The following DLGAP1 variants were observed in gnomAD, a reference collection of about 807,000 sequenced individuals.
The protein encoded by DLGAP1 is DLG associated protein 1.
A neutral mutation model predicts 90.8 loss-of-function variants in DLGAP1; 11 were observed. That is an observed-to-expected ratio of 0.12 (90% CI 0.08 to 0.20). DLGAP1 has a LOEUF of 0.20. DLGAP1 is among the 10% of genes least tolerant of loss of function. DLGAP1 has a pLI of 1.00. For missense variants in DLGAP1, 1,050 were observed against 1,333.8 expected, an observed-to-expected ratio of 0.79 and a Z score of 3.31; for synonymous variants, 558 against 540.7, an observed-to-expected ratio of 1.03 and a Z score of -0.44.
At chr18:4,272,143 G>T (rs2079297714) in intron 1 of DLGAP1, among the ~76,000 whole-genome samples, 1 of 152,148 alleles carries the variant, frequency 6.6e-6, no homozygotes, top group Middle Eastern at 3.2e-3. Context: ...AGTATTAAAT[G>T]GTGTATTGCG....
intron 3 of DLGAP1, among the ~76,000 whole-genome samples, chr18:3,992,229 A>G: frequency 6.6e-6 from 1 of 152,224 alleles, no homozygotes; most frequent in East Asian, 1.9e-4. Context: ...TGTTTGGAAC[A>G]TCCTTGGCCA....
intron 4 of DLGAP1, among the ~76,000 whole-genome samples, chr18:3,848,260 C>A (rs1459714394): frequency 6.8e-6 from 1 of 146,086 alleles, no homozygotes; most frequent in South Asian, 2.2e-4. Flanking sequence ...ACAATGTGAA[C>A]AGATGATAAT....
At chr18:3,550,059 G>T (rs1395439225) in intron 9 of DLGAP1, among the ~76,000 whole-genome samples, 1 of 151,776 alleles carries the variant, frequency 6.6e-6, no homozygotes, top group Non-Finnish European at 1.5e-5. Context: ...GACTACAGGT[G>T]CATGCCACCA....
At chr18:3,514,701 T>C (rs547872282) in intron 10 of DLGAP1, among the ~76,000 whole-genome samples, 117 of 152,278 alleles carry the variant, frequency 7.7e-4, no homozygotes, top group African/African-American at 2.8e-3. Flanking sequence ...TGTAGTCTGT[T>C]AAGTGTGTCA....
At chr18:3,887,616 A>G (rs2071350365) in intron 3 of DLGAP1, among the ~76,000 whole-genome samples, 1 of 152,212 alleles carries the variant, frequency 6.6e-6, no homozygotes, top group Non-Finnish European at 1.5e-5. Flanking sequence ...TGCTCCAACC[A>G]CAGTCTGAAC....
chr18:4,341,150 G>A (rs770124323), intron 1 of DLGAP1, among the ~76,000 whole-genome samples: 2 of 151,536 alleles, frequency 1.3e-5, no homozygotes, highest in Admixed American at 6.6e-5. Flanking sequence ...TATGAATGAC[G>A]GCTATTTTAT....
At chr18:4,025,127 TA>T (rs1010924614) in intron 2 of DLGAP1, among the ~76,000 whole-genome samples, 2 of 151,980 alleles carry the variant, frequency 1.3e-5, no homozygotes, top group South Asian at 2.1e-4. Context: ...GTAGAGGAAA[TA>T]AAAAAGAGTG....
chr18:4,090,169 T>A (rs2075753478), intron 2 of DLGAP1, among the ~76,000 whole-genome samples: 2 of 152,190 alleles, frequency 1.3e-5, no homozygotes, highest in African/African-American at 4.8e-5. Context: ...GGCAATACTA[T>A]TCAGGACATA....
At chr18:3,618,064 C>T (rs1715140361) in intron 7 of DLGAP1, among the ~76,000 whole-genome samples, 1 of 151,988 alleles carries the variant, frequency 6.6e-6, no homozygotes, top group African/African-American at 2.4e-5. Context: ...GAAAGAAAAG[C>T]ACAATTAAAC....
intron 2 of DLGAP1, among the ~76,000 whole-genome samples, chr18:4,086,823 TTTTC>T (rs888105757): frequency 6.6e-6 from 1 of 151,950 alleles, no homozygotes; most frequent in Non-Finnish European, 1.5e-5. Flanking sequence ...TCCTTATTGA[TTTTC>T]TTTCTACTAG....
At chr18:3,781,873 C>A (rs1416040992) in intron 5 of DLGAP1, among the ~76,000 whole-genome samples, 1 of 152,170 alleles carries the variant, frequency 6.6e-6, no homozygotes, top group African/African-American at 2.4e-5. Context: ...CAGATCTTTT[C>A]TTGATGGATT....
intron 8 of DLGAP1, among the ~76,000 whole-genome samples, chr18:3,579,600 C>T (rs1054552246): frequency 1.3e-5 from 2 of 152,146 alleles, no homozygotes; most frequent in South Asian, 4.1e-4. Context: ...AAAGGGTACC[C>T]GCAGACTGAT....
At chr18:4,275,342 T>C (rs1016824192) in intron 1 of DLGAP1, 1 of 152,168 alleles carries the variant, frequency 6.6e-6, no homozygotes, top group African/African-American at 2.4e-5. Flanking sequence ...AATTCCCTCA[T>C]TTCCTTCAAG....
chr18:3,622,847 C>T (rs1369939573), intron 7 of DLGAP1, among the ~76,000 whole-genome samples: 1 of 152,018 alleles, frequency 6.6e-6, no homozygotes, highest in Non-Finnish European at 1.5e-5. Context: ...CTCTGTCGCC[C>T]AGGCTGGAGT....
At chr18:3,878,493 T>C (rs1947695764) in intron 4 of DLGAP1, among the ~76,000 whole-genome samples, 1 of 152,202 alleles carries the variant, frequency 6.6e-6, no homozygotes, top group Admixed American at 6.5e-5. Flanking sequence ...TCTGTTGTCC[T>C]GGGTGTCTGC....
intron 5 of DLGAP1, among the ~76,000 whole-genome samples, chr18:3,813,596 A>G (rs2066947076): frequency 6.6e-6 from 1 of 152,216 alleles, no homozygotes; most frequent in South Asian, 2.1e-4. Flanking sequence ...ATTTTAAAGC[A>G]CGGTCACACT....
At chr18:3,736,326 T>C (rs909058848) in intron 6 of DLGAP1, among the ~76,000 whole-genome samples, 2 of 152,182 alleles carry the variant, frequency 1.3e-5, no homozygotes, top group African/African-American at 2.4e-5. Context: ...ATGGTAAAAA[T>C]ATAAAATAAT....
intron 3 of DLGAP1, among the ~76,000 whole-genome samples, chr18:3,904,199 T>C (rs1256662209): frequency 6.6e-6 from 1 of 152,212 alleles, no homozygotes; most frequent in Non-Finnish European, 1.5e-5. Flanking sequence ...GTTAGACTGA[T>C]CTCCTTTTTC....
intron 2 of DLGAP1, among the ~76,000 whole-genome samples, chr18:4,150,965 T>A (rs2076666181): frequency 6.6e-6 from 1 of 152,166 alleles, no homozygotes; most frequent in Non-Finnish European, 1.5e-5. Flanking sequence ...ATAAAATACA[T>A]CTGGCCTAGA....
Sources: allele counts gnomAD v4.1 joint callset (sites outside exome capture counted in the v4.1 genomes callset), GRCh38; gene constraint gnomAD v4.1.1; transcripts MANE v1.5; gene names NCBI Gene and HGNC (gene_info 2026-07-23, HGNC 2026-07-21).